Variants in SUGCT observed in about 807,000 individuals in gnomAD.
SUGCT encodes the protein succinyl-CoA:glutarate CoA-transferase.
In SUGCT, 41 loss-of-function variants were observed where a neutral mutation model predicts 55.0. The ratio of observed to expected loss-of-function variants is 0.74; its 90% CI spans 0.58 to 0.97. SUGCT has a LOEUF of 0.97. Ranked by LOEUF, SUGCT falls within the 50% of genes least tolerant of loss-of-function variation. The pLI is 0.00. For missense variants in SUGCT, 568 were observed against 547.8 expected (o/e 1.04, Z -0.37); for synonymous variants, 187 against 200.4 (o/e 0.93, Z 0.56).
intron 11 of SUGCT, among the ~76,000 whole-genome samples, chr7:40,493,813 T>A (rs1054228650): frequency 1.3e-5 from 2 of 152,188 alleles, no homozygotes; most frequent in African/African-American, 4.8e-5. Context: ...GCTTACAGCT[T>A]TTTGCATAAA....
the SUGCT span, among the ~76,000 whole-genome samples, chr7:40,888,895 A>G: frequency 6.6e-6 from 1 of 152,200 alleles, no homozygotes; most frequent in Admixed American, 6.5e-5. Flanking sequence ...TGTTTCTGGA[A>G]CCAGAGCCAT....
intron 5 of SUGCT, among the ~76,000 whole-genome samples, chr7:40,193,178 G>C (rs1786023100): frequency 6.6e-6 from 1 of 151,322 alleles, no homozygotes; most frequent in Non-Finnish European, 1.5e-5. Flanking sequence ...TGTTGCCCAG[G>C]CATGTCTTGA....
At chr7:40,934,618 C>A in the SUGCT span, among the ~76,000 whole-genome samples, 1 of 152,150 alleles carries the variant, frequency 6.6e-6, no homozygotes, top group Middle Eastern at 3.4e-3. Flanking sequence ...TTTCTGGCCT[C>A]TTTGTTTACC....
chr7:40,404,657 G>A (rs1469348059), intron 9 of SUGCT, among the ~76,000 whole-genome samples: 2 of 152,008 alleles, frequency 1.3e-5, no homozygotes, highest in Admixed American at 6.5e-5. Flanking sequence ...GGCTGGTCTC[G>A]AACCCCTGAC....
intron 11 of SUGCT, among the ~76,000 whole-genome samples, chr7:40,480,118 C>G (rs1790942069): frequency 6.6e-6 from 1 of 151,962 alleles, no homozygotes; most frequent in Non-Finnish European, 1.5e-5. Flanking sequence ...GAAACTTTCC[C>G]CCCATCTTTT....
rs181618151 is a variant in SUGCT, at chr7:40,469,060, T to C, written c.986+9862T>C. ...AACCTGGCAACCATCCACTCTCCCATATCTACATGTTTTTAATATACATAG... is the reference window on the plus strand; with the variant it reads ...AACCTGGCAACCATCCACTCTCCCACATCTACATGTTTTTAATATACATAG... On this transcript the variant is annotated intron_variant, in intron 11 of 13. Coordinates refer to ENST00000335693, the MANE Select transcript of SUGCT (RefSeq NM_001193313.2). 2.2e-3 allele frequency among the ~76,000 whole-genome samples: 342 copies of C among 152,300 alleles called. 2 individuals are homozygous for C. Among genetic ancestry groups the C allele is most frequent in the African/African-American group, 8.0e-3 (334 of 41,566 alleles).
At chr7:40,718,333 A>G (rs763306821) in intron 12 of SUGCT, among the ~76,000 whole-genome samples, 9 of 152,240 alleles carry the variant, frequency 5.9e-5, no homozygotes, top group Admixed American at 1.3e-4. Flanking sequence ...ATGAACAAGT[A>G]TGCAGTGTAA....
At chr7:40,971,663 A>C in the SUGCT span, among the ~76,000 whole-genome samples, 1 of 152,114 alleles carries the variant, frequency 6.6e-6, no homozygotes, top group African/African-American at 2.4e-5. Context: ...CAGATTCTAA[A>C]TGTTAGATTC....
chr7:40,688,424 A>G (rs775289122), intron 12 of SUGCT, among the ~76,000 whole-genome samples: 5 of 152,154 alleles, frequency 3.3e-5, no homozygotes, highest in Admixed American at 2.6e-4. Flanking sequence ...TGGCACTTCT[A>G]TTTGTCTTGA....
At chr7:40,863,643 C>T (rs1794532085), downstream of SUGCT, among the ~76,000 whole-genome samples, 1 of 152,184 alleles carries the variant, frequency 6.6e-6, no homozygotes, top group African/African-American at 2.4e-5. Flanking sequence ...CCGTTGCCCT[C>T]CATACCCTAA....
At chr7:40,299,660 T>A (rs1794407303) in intron 8 of SUGCT, among the ~76,000 whole-genome samples, 1 of 147,220 alleles carries the variant, frequency 6.8e-6, no homozygotes, top group Admixed American at 6.8e-5. Flanking sequence ...AAAAAAAAAA[T>A]TAATGAACTA....
At chr7:40,582,565 C>T (rs1797161890) in intron 12 of SUGCT, among the ~76,000 whole-genome samples, 1 of 152,166 alleles carries the variant, frequency 6.6e-6, no homozygotes, top group Non-Finnish European at 1.5e-5. Context: ...TGAAGGTAAG[C>T]TTGTGGCCCA....
the SUGCT span, among the ~76,000 whole-genome samples, chr7:40,927,869 T>C: frequency 6.6e-6 from 1 of 152,210 alleles, no homozygotes; most frequent in South Asian, 2.1e-4. Context: ...TTTTTATGTC[T>C]TTAGATACCT....
chr7:40,402,455 G>A (rs1036372998), intron 9 of SUGCT, among the ~76,000 whole-genome samples: 3 of 152,140 alleles, frequency 2.0e-5, no homozygotes, highest in African/African-American at 7.2e-5. Flanking sequence ...TACGTTATAA[G>A]AGGAAAAGAT....
At chr7:40,618,979 G>A (rs1799140661) in intron 12 of SUGCT, among the ~76,000 whole-genome samples, 1 of 152,112 alleles carries the variant, frequency 6.6e-6, no homozygotes, top group Non-Finnish European at 1.5e-5. Context: ...AGAGCCATCC[G>A]ATGTTAGAAT....
At chr7:40,819,476 T>A (rs1276858500) in intron 13 of SUGCT, among the ~76,000 whole-genome samples, 2 of 152,200 alleles carry the variant, frequency 1.3e-5, no homozygotes, top group Non-Finnish European at 2.9e-5. Flanking sequence ...GGTATCTCAT[T>A]GTGGTTTTGA....
At chr7:40,512,780 GA>G (rs1793005060) in intron 12 of SUGCT, among the ~76,000 whole-genome samples, 1 of 152,090 alleles carries the variant, frequency 6.6e-6, no homozygotes, top group Non-Finnish European at 1.5e-5. Flanking sequence ...GGAAATATGA[GA>G]AACTCAGGTT....
intron 10 of SUGCT, among the ~76,000 whole-genome samples, chr7:40,450,715 A>G (rs1332087120): frequency 6.6e-6 from 1 of 152,024 alleles, no homozygotes; most frequent in Non-Finnish European, 1.5e-5. Flanking sequence ...CGGAGGTTGC[A>G]GTGAGCCGAG....
In SUGCT at chr7:40,854,682, C is replaced by CTG. The variant is rs200637226; in HGVS notation, c.1154-5632_1154-5631dup. Among the ~76,000 whole-genome samples the CTG allele has an allele frequency of 9.4e-3, 1,437 of 152,074 alleles. 21 individuals carry two copies. The highest frequency in any genetic ancestry group is 0.033 in the African/African-American group (1,365 of 41,454). On this transcript the variant is annotated intron_variant, in intron 13 of 13. Transcript: ENST00000335693. ...AGTTGAAAGGTGGACATGGATGCTC[C>CTG]TGTATTCTTAGCTACTTGGGAGGCT...
Sources: allele counts gnomAD v4.1 joint callset (sites outside exome capture counted in the v4.1 genomes callset), GRCh38; gene constraint gnomAD v4.1.1; transcripts MANE v1.5; gene names NCBI Gene and HGNC (gene_info 2026-07-23, HGNC 2026-07-21).